Variants in AOPEP observed in about 807,000 individuals in gnomAD.
AOPEP encodes aminopeptidase O (putative).
Under a neutral mutation model 98.1 loss-of-function variants are expected in AOPEP, and 77 were observed. The observed-to-expected ratio is 0.78, with a 90% CI of 0.65 to 0.95. The LOEUF (loss-of-function observed/expected upper bound fraction) is 0.95, where lower values mean the gene tolerates loss of function less well. Ranked by LOEUF, AOPEP falls within the 40% of genes least tolerant of loss-of-function variation. The pLI is 0.00. For synonymous variants in AOPEP, 346 were observed against 365.3 expected (o/e 0.95, Z 0.60); for missense variants, 1,024 against 1,024.7 (o/e 1.00, Z 0.01).
chr9:95,035,669 C>G (rs1216044806), intron 13 of AOPEP, among the ~76,000 whole-genome samples: 1 of 151,754 alleles, frequency 6.6e-6, no homozygotes, highest in Non-Finnish European at 1.5e-5. Context: ...CAGGCATGCA[C>G]CACCATGCCC....
intron 5 of AOPEP, among the ~76,000 whole-genome samples, chr9:94,910,267 A>G (rs1208282219): frequency 6.6e-6 from 1 of 152,072 alleles, no homozygotes; most frequent in African/African-American, 2.4e-5. Context: ...TCACCTGTGG[A>G]GAGTGGCTCT....
chr9:94,812,506 T>C (rs1195723182), intron 5 of AOPEP, among the ~76,000 whole-genome samples: 1 of 152,130 alleles, frequency 6.6e-6, no homozygotes, highest in Non-Finnish European at 1.5e-5. Context: ...GGGAATCTTA[T>C]TACTTACCTT....
intron 11 of AOPEP, among the ~76,000 whole-genome samples, chr9:94,988,296 G>C (rs2132291092): frequency 6.6e-6 from 1 of 152,262 alleles, no homozygotes; most frequent in Non-Finnish European, 1.5e-5. Flanking sequence ...CTCACGACGG[G>C]GAAGGACGTT....
At chr9:94,875,357 A>AAG (rs1554753070) in intron 5 of AOPEP, among the ~76,000 whole-genome samples, 128 of 147,560 alleles carry the variant, frequency 8.7e-4, no homozygotes, top group African/African-American at 3.2e-3. Context: ...GAAAAAAAAA[A>AAG]AAAAAAAAAA....
At chr9:94,883,184 G>A (rs964921882) in intron 5 of AOPEP, among the ~76,000 whole-genome samples, 7 of 152,270 alleles carry the variant, frequency 4.6e-5, no homozygotes, top group African/African-American at 1.7e-4. Flanking sequence ...TTCGTTGCCT[G>A]CTGTTCCAAG....
At chr9:95,081,484 G>T (rs2069766165) in intron 15 of AOPEP, among the ~76,000 whole-genome samples, 2 of 152,208 alleles carry the variant, frequency 1.3e-5, no homozygotes, top group South Asian at 4.1e-4. Context: ...TCCAGCTGGG[G>T]TGGAGAGTGG....
chr9:95,145,814 T>C, the AOPEP span, among the ~76,000 whole-genome samples: 1 of 151,986 alleles, frequency 6.6e-6, no homozygotes, highest in African/African-American at 2.4e-5. Context: ...TTTATCACAC[T>C]CAAGAGGGCG....
At chr9:94,735,516 G>C (rs975662487) in intron 1 of AOPEP, among the ~76,000 whole-genome samples, 2 of 152,066 alleles carry the variant, frequency 1.3e-5, no homozygotes, top group Admixed American at 1.3e-4. Context: ...CACCGCGCCC[G>C]GCCAAGAATC....
At chr9:94,970,183 T>C (rs10993420) in intron 10 of AOPEP, among the ~76,000 whole-genome samples, 11,825 of 152,252 alleles carry the variant, frequency 0.078, 1,153 homozygotes, top group African/African-American at 0.23. Flanking sequence ...GGTTTTTCAA[T>C]ACTTAATAGT....
chr9:95,148,779 C>CA, the AOPEP span, among the ~76,000 whole-genome samples: 1 of 152,196 alleles, frequency 6.6e-6, no homozygotes, highest in Non-Finnish European at 1.5e-5. Context: ...TCTAATGTAA[C>CA]AGAGTATGGA....
chr9:94,904,703 G>A (rs2050892761), intron 5 of AOPEP: 1 of 152,136 alleles, frequency 6.6e-6, no homozygotes, highest in Non-Finnish European at 1.5e-5. Context: ...ATATATTTGG[G>A]TTAAACCAAA....
At chr9:94,960,944 G>A (rs1272478951) in intron 9 of AOPEP, among the ~76,000 whole-genome samples, 12 of 151,546 alleles carry the variant, frequency 7.9e-5, no homozygotes, top group East Asian at 3.9e-4. Context: ...CCCGGGAGGC[G>A]GAGCTTGCAG....
intron 10 of AOPEP, among the ~76,000 whole-genome samples, chr9:94,968,992 A>G (rs1339305133): frequency 6.6e-6 from 1 of 152,184 alleles, no homozygotes; most frequent in Non-Finnish European, 1.5e-5. Flanking sequence ...GATAATACCA[A>G]CAAGAGGACC....
chr9:94,742,118 G>A (rs1032190009), intron 1 of AOPEP, among the ~76,000 whole-genome samples: 1 of 152,230 alleles, frequency 6.6e-6, no homozygotes. Flanking sequence ...AATAGTTGAA[G>A]TGGGTGGTCT....
intron 5 of AOPEP, among the ~76,000 whole-genome samples, chr9:94,832,243 A>T (rs1856130428): frequency 6.6e-6 from 1 of 152,266 alleles, no homozygotes; most frequent in Non-Finnish European, 1.5e-5. Flanking sequence ...TCATATAGAA[A>T]AATGAGCTAG....
At chr9:94,823,808 C>T (rs193129978) in intron 5 of AOPEP, among the ~76,000 whole-genome samples, 84 of 152,302 alleles carry the variant, frequency 5.5e-4, no homozygotes, top group African/African-American at 1.6e-3. Flanking sequence ...CCACAGTTAT[C>T]GGGTGCTCAT....
chr9:94,871,777 C>T (rs2406897), intron 5 of AOPEP, among the ~76,000 whole-genome samples: 130,408 of 152,104 alleles, frequency 0.86, 57,350 homozygotes, highest in Non-Finnish European at 0.95. Flanking sequence ...GAGGCTGAGG[C>T]CAGTGGATCA....
intron 11 of AOPEP, among the ~76,000 whole-genome samples, chr9:94,997,743 G>A (rs1389840459): frequency 6.6e-6 from 1 of 152,110 alleles, no homozygotes; most frequent in African/African-American, 2.4e-5. Context: ...ACCCAGGCTG[G>A]AGTGCGGTGG....
At chr9:94,728,238 T>TGCGCGCGCGC (rs756011414) in intron 1 of AOPEP, among the ~76,000 whole-genome samples, 2 of 80,868 alleles carry the variant, frequency 2.5e-5, no homozygotes, top group Non-Finnish European at 4.5e-5. Context: ...CGTGCGCGCA[T>TGCGCGCGCGC]GCACACACAC....
Sources: allele counts gnomAD v4.1 joint callset (sites outside exome capture counted in the v4.1 genomes callset), GRCh38; gene constraint gnomAD v4.1.1; transcripts MANE v1.5; gene names NCBI Gene and HGNC (gene_info 2026-07-23, HGNC 2026-07-21).